The following DCDC2 variants were observed in gnomAD, a reference collection of about 807,000 sequenced individuals.
DCDC2 encodes doublecortin domain containing 2, also known as doublecortin domain-containing protein 2.
DCDC2 carries 40 observed loss-of-function variants against 50.2 expected under a neutral mutation model. The observed-to-expected ratio is 0.80, with a 90% confidence interval of 0.62 to 1.04. The LOEUF is 1.04. DCDC2 is among the 50% of genes least tolerant of loss of function. DCDC2 has a pLI of 0.00. For synonymous variants in DCDC2, 234 were observed against 210.6 expected, an observed-to-expected ratio of 1.11 and a Z score of -0.96; for missense variants, 570 against 581.9, an observed-to-expected ratio of 0.98 and a Z score of 0.21.
intron 7 of DCDC2, among the ~76,000 whole-genome samples, chr6:24,226,754 G>C (rs930069954): frequency 6.6e-6 from 1 of 152,172 alleles, no homozygotes; most frequent in South Asian, 2.1e-4. Flanking sequence ...GAAATAGACC[G>C]AACAGTATCC....
chr6:24,383,003 G>A, the DCDC2 span, among the ~76,000 whole-genome samples: 33 of 152,140 alleles, frequency 2.2e-4, no homozygotes, highest in African/African-American at 7.2e-4. Context: ...TTAAGTCACC[G>A]TGAATTATAA....
At chr6:24,244,935 C>G (rs1010792357) in intron 7 of DCDC2, among the ~76,000 whole-genome samples, 1 of 152,180 alleles carries the variant, frequency 6.6e-6, no homozygotes, top group Non-Finnish European at 1.5e-5. Flanking sequence ...TGGCTCACAT[C>G]TGTAATCCCA....
intron 2 of DCDC2, among the ~76,000 whole-genome samples, chr6:24,353,045 C>CACAA (rs1760400852): frequency 6.6e-6 from 1 of 152,214 alleles, no homozygotes; most frequent in African/African-American, 2.4e-5. Flanking sequence ...TTCCAACCTT[C>CACAA]ACATAAGCTT....
chr6:24,347,915 A>C, intron 2 of DCDC2, among the ~76,000 whole-genome samples: 1 of 152,228 alleles, frequency 6.6e-6, no homozygotes, highest in Non-Finnish European at 1.5e-5. Context: ...TGCAAGGCAA[A>C]TGGACATCTA....
intron 7 of DCDC2, among the ~76,000 whole-genome samples, chr6:24,264,057 C>T (rs1005902112): frequency 6.6e-6 from 1 of 152,084 alleles, no homozygotes; most frequent in Non-Finnish European, 1.5e-5. Context: ...CATTGCCAAC[C>T]TGACAGACCA....
At chr6:24,278,289 C>A (rs1407542185) in intron 6 of DCDC2, 78 bp from the exon 7 acceptor site, 4 of 1,367,944 alleles carry the variant, frequency 2.9e-6, no homozygotes, top group Admixed American at 4.4e-5. Flanking sequence ...ATGTCATTAA[C>A]TACTGGTAAG....
chr6:24,262,312 A>C (rs1435030980), intron 7 of DCDC2, among the ~76,000 whole-genome samples: 1 of 152,182 alleles, frequency 6.6e-6, no homozygotes, highest in Admixed American at 6.5e-5. Flanking sequence ...GCCAGAGGGA[A>C]ACTGTCCCAT....
chr6:24,256,223 G>A (rs1010744624), intron 7 of DCDC2, among the ~76,000 whole-genome samples: 2 of 150,978 alleles, frequency 1.3e-5, no homozygotes, highest in Admixed American at 1.3e-4. Flanking sequence ...TTCTTCCTGG[G>A]GTGATATCTA....
the DCDC2 span, among the ~76,000 whole-genome samples, chr6:24,378,907 G>A: frequency 1.4e-5 from 2 of 142,522 alleles, no homozygotes; most frequent in East Asian, 4.2e-4. Flanking sequence ...AGCTATGAGT[G>A]TGCCACTGCA....
intron 8 of DCDC2, among the ~76,000 whole-genome samples, chr6:24,199,364 C>A (rs985673850): frequency 6.6e-6 from 1 of 152,188 alleles, no homozygotes; most frequent in African/African-American, 2.4e-5. Context: ...GATACCCAGG[C>A]AAACAGAGTC....
intron 2 of DCDC2, 86 bp from the exon 3 acceptor site, chr6:24,302,130 G>C (rs1464353975): frequency 1.0e-5 from 12 of 1,192,064 alleles, no homozygotes; most frequent in Non-Finnish European, 1.4e-5. Context: ...AGTTTCTAGG[G>C]AACTGCCTGA....
chr6:24,184,205 C>A (rs886930242), intron 8 of DCDC2, among the ~76,000 whole-genome samples: 1 of 152,172 alleles, frequency 6.6e-6, no homozygotes. Flanking sequence ...ACAATAAGGA[C>A]ACTCACGTGT....
chr6:24,277,735 TATC>T (rs1313908899), intron 7 of DCDC2, among the ~76,000 whole-genome samples: 8 of 152,042 alleles, frequency 5.3e-5, no homozygotes, highest in African/African-American at 1.9e-4. Flanking sequence ...AAGAGACCAA[TATC>T]ATAGTAGTTG....
chr6:24,378,121 A>T, the DCDC2 span, among the ~76,000 whole-genome samples: 84,258 of 152,056 alleles, frequency 0.55, 24,915 homozygotes, highest in East Asian at 0.8. Flanking sequence ...ATATTATGTA[A>T]ACAGAAATTG....
At chr6:24,205,258 C>A (rs1761689499) in intron 7 of DCDC2, 156 bp from the exon 8 acceptor site, 1 of 1,566,668 alleles carries the variant, frequency 6.4e-7, no homozygotes, top group South Asian at 1.2e-5. Flanking sequence ...ACCACCACAC[C>A]ACCCCCAGTT....
At chr6:24,305,774 C>T (rs2113841159) in intron 2 of DCDC2, among the ~76,000 whole-genome samples, 1 of 149,406 alleles carries the variant, frequency 6.7e-6, no homozygotes, top group Non-Finnish European at 1.5e-5. Flanking sequence ...CACCTATAAT[C>T]CCAGCACTTT....
intron 8 of DCDC2, among the ~76,000 whole-genome samples, chr6:24,182,822 A>G (rs1212129212): frequency 6.6e-6 from 1 of 152,088 alleles, no homozygotes; most frequent in East Asian, 1.9e-4. Context: ...AAAGAACTGA[A>G]AGCAAGGACT....
chr6:24,232,998 A>T (rs190110588), intron 7 of DCDC2, among the ~76,000 whole-genome samples: 19 of 152,354 alleles, frequency 1.2e-4, no homozygotes, highest in Non-Finnish European at 2.2e-4. Context: ...CATTTAGGGC[A>T]GCACTCAATG....
the DCDC2 span, among the ~76,000 whole-genome samples, chr6:24,372,356 T>C: frequency 6.6e-6 from 1 of 151,790 alleles, no homozygotes; most frequent in Non-Finnish European, 1.5e-5. Context: ...GAGGCGGAGC[T>C]TGTAGTGAGC....
Sources: gnomAD v4.1 joint callset for allele counts (sites outside exome capture counted in the v4.1 genomes callset) on GRCh38, gnomAD v4.1.1 for gene constraint, MANE v1.5 for transcripts, NCBI Gene and HGNC (gene_info 2026-07-23, HGNC 2026-07-21) for gene names.